Variants in FARS2 observed in about 807,000 individuals in gnomAD.
The protein encoded by FARS2 is phenylalanine--tRNA ligase, mitochondrial.
In FARS2, 40 loss-of-function variants were observed where a neutral mutation model predicts 46.4. The ratio of observed to expected loss-of-function variants is 0.86; its 90% CI spans 0.67 to 1.12. The LOEUF (loss-of-function observed/expected upper bound fraction) is 1.12. FARS2 is among the 50% of genes most tolerant of loss of function. The pLI is 0.00. For synonymous variants in FARS2, 234 were observed against 214.9 expected (o/e 1.09, Z -0.78); for missense variants, 513 against 567.9 (o/e 0.90, Z 0.98).
chr6:5,391,384 A>T (rs1412245796), intron 2 of FARS2, among the ~76,000 whole-genome samples: 1 of 152,212 alleles, frequency 6.6e-6, no homozygotes, highest in African/African-American at 2.4e-5. Flanking sequence ...AGTATGTAAG[A>T]TAAGCACTCA....
chr6:5,642,625 A>C (rs78058267), intron 6 of FARS2, among the ~76,000 whole-genome samples: 1 of 136,866 alleles, frequency 7.3e-6, no homozygotes, highest in Non-Finnish European at 1.5e-5. Flanking sequence ...TTTAAATGTC[A>C]AAAAAAAAAA....
chr6:5,444,466 CAAAAAA>C lies in FARS2; in HGVS notation c.904+13316_904+13321del, dbSNP rs751990577. 8.5e-4 allele frequency among the ~76,000 whole-genome samples: 78 copies of C among 91,488 alleles called. 4 individuals carry two copies. In the South Asian group the frequency reaches 0.018, roughly 21 times the overall value. The allele number at this position is 91,488 out of a possible 152,430, so 60.0% of individuals were successfully genotyped here. A position where few individuals can be genotyped will look rare whatever the true frequency, so the allele number is the denominator to read the frequency against. ...TGGGTGACAAGGCGTGACTCTGTCT[CAAAAAA>C]AAAAAAAAAAAAAAAAAAAAAGAGA... On this transcript the variant is annotated intron_variant, in intron 4 of 6. Coordinates refer to ENST00000274680, the MANE Select transcript of FARS2 (RefSeq NM_006567.5).
Position 5,540,222 on chromosome 6 carries a change from G to A in FARS2, c.905-4958G>A, listed in dbSNP as rs1416422068. On this transcript the variant is annotated intron_variant, in intron 4 of 6. Coordinates refer to ENST00000274680, the MANE Select transcript of FARS2 (RefSeq NM_006567.5). ...ATAACTTTATGATAATTCGATTTTG[G>A]ACTCATACCTTTATTTCTTATTGTT... Among the ~76,000 whole-genome samples, 5 of 152,208 alleles carry A rather than the reference G, an allele frequency of 3.3e-5. No homozygotes were observed. In the East Asian group the frequency reaches 9.7e-4, roughly 29 times the overall value.
chr6:5,685,936 A>G lies in FARS2; in HGVS notation c.1217+72616A>G, dbSNP rs1481072018. On this transcript the variant is annotated intron_variant, in intron 6 of 6. Transcript: ENST00000274680. The stretch of plus-strand genomic sequence containing the variant: ...GTTATTTAGATTGAATAACTTTAGA[A>G]TACTCTTCCCACAAGACCACTCGGA... Among the ~76,000 whole-genome samples, 4 of 152,326 alleles carry G rather than the reference A, an allele frequency of 2.6e-5. No homozygotes were observed. In the South Asian group the frequency reaches 8.3e-4, roughly 32 times the overall value.
intron 1 of FARS2, among the ~76,000 whole-genome samples, chr6:5,325,130 C>A (rs62386861): frequency 1.3e-5 from 2 of 152,224 alleles, no homozygotes; most frequent in Non-Finnish European, 1.5e-5. Flanking sequence ...CTTGGCTACT[C>A]CACAGATGCA....
intron 5 of FARS2, among the ~76,000 whole-genome samples, chr6:5,555,220 C>T (rs1027861399): frequency 1.3e-5 from 2 of 152,092 alleles, no homozygotes; most frequent in African/African-American, 2.4e-5. Context: ...TTTCACCTCT[C>T]GTTATGATTC....
intron 6 of FARS2, among the ~76,000 whole-genome samples, chr6:5,658,131 C>T (rs1481594646): frequency 4.6e-5 from 7 of 152,036 alleles, no homozygotes; most frequent in African/African-American, 1.7e-4. Flanking sequence ...TGGTGCATGT[C>T]TGTAATCCCA....
chr6:5,769,942 G>T (rs1762949103), intron 6 of FARS2, among the ~76,000 whole-genome samples: 1 of 152,232 alleles, frequency 6.6e-6, no homozygotes, highest in Non-Finnish European at 1.5e-5. Flanking sequence ...GGAGAGAGGG[G>T]AGGAGACACT....
At chr6:5,390,726 C>T (rs1047144412) in intron 2 of FARS2, among the ~76,000 whole-genome samples, 12 of 152,192 alleles carry the variant, frequency 7.9e-5, no homozygotes, top group African/African-American at 2.2e-4. Context: ...AGGAAAGGGG[C>T]TGAGATAACC....
intron 4 of FARS2, among the ~76,000 whole-genome samples, chr6:5,506,610 G>T (rs1252232002): frequency 1.3e-5 from 2 of 152,158 alleles, no homozygotes; most frequent in African/African-American, 4.8e-5. Flanking sequence ...TTCCAGACGG[G>T]TATCACTCTG....
intron 5 of FARS2, among the ~76,000 whole-genome samples, chr6:5,592,762 G>A (rs932072367): frequency 3.3e-5 from 5 of 152,174 alleles, no homozygotes; most frequent in South Asian, 2.1e-4. Flanking sequence ...GTCTCCCCTC[G>A]CTTTCCCTTA....
intron 4 of FARS2, among the ~76,000 whole-genome samples, chr6:5,512,469 A>G (rs755148585): frequency 2.0e-5 from 3 of 152,150 alleles, no homozygotes; most frequent in Non-Finnish European, 4.4e-5. Context: ...CCTGAAGGAA[A>G]TTAGCAAAGG....
At chr6:5,341,224 TATATA>T (rs1187237262) in intron 1 of FARS2, among the ~76,000 whole-genome samples, 13 of 7,050 alleles carry the variant, frequency 1.8e-3, no homozygotes, top group African/African-American at 4.9e-3. Flanking sequence ...TATATATATA[TATATA>T]TATATATTTT....
intron 3 of FARS2, among the ~76,000 whole-genome samples, chr6:5,406,090 G>A (rs1271062170): frequency 1.3e-5 from 2 of 152,096 alleles, no homozygotes; most frequent in Non-Finnish European, 2.9e-5. Context: ...GAGAAGGTTA[G>A]TGGATTTTCC....
At chr6:5,624,302 A>G (rs941681784) in intron 6 of FARS2, among the ~76,000 whole-genome samples, 1 of 152,142 alleles carries the variant, frequency 6.6e-6, no homozygotes, top group Admixed American at 6.5e-5. Flanking sequence ...TGACACCAGC[A>G]TTAGATGAAT....
chr6:5,352,122 T>G (rs898076143), intron 1 of FARS2, among the ~76,000 whole-genome samples: 48 of 147,018 alleles, frequency 3.3e-4, no homozygotes, highest in African/African-American at 9.6e-4. Flanking sequence ...AACATTGAGG[T>G]TTTTTTTTTG....
intron 1 of FARS2, among the ~76,000 whole-genome samples, chr6:5,347,200 C>A (rs533905274): frequency 8.5e-5 from 13 of 152,296 alleles, no homozygotes; most frequent in African/African-American, 2.9e-4. Context: ...AGGCGTGAGC[C>A]AGTGTGCCTG....
chr6:5,296,355 A>G (rs1581716577), intron 1 of FARS2, among the ~76,000 whole-genome samples: 2 of 152,020 alleles, frequency 1.3e-5, no homozygotes, highest in Admixed American at 6.5e-5. Flanking sequence ...GTTAGCCAGG[A>G]TGGTCTCGAT....
chr6:5,576,604 T>A (rs887424274), intron 5 of FARS2, among the ~76,000 whole-genome samples: 1 of 140,468 alleles, frequency 7.1e-6, no homozygotes, highest in African/African-American at 2.6e-5. Context: ...TATGATATAT[T>A]ATATATATAA....
Sources: gnomAD v4.1 joint callset for allele counts (sites outside exome capture counted in the v4.1 genomes callset) on GRCh38, gnomAD v4.1.1 for gene constraint, MANE v1.5 for transcripts, NCBI Gene and HGNC (gene_info 2026-07-23, HGNC 2026-07-21) for gene names.